CYB5R2: variants seen among roughly 807,000 people sequenced by gnomAD.
The protein encoded by CYB5R2 is NADH-cytochrome b5 reductase 2.
A neutral mutation model predicts 29.8 loss-of-function variants in CYB5R2; 35 were observed. The ratio of observed to expected loss-of-function variants is 1.17; its 90% CI spans 0.90 to 1.56. CYB5R2 has a LOEUF of 1.56. Ranked by LOEUF, CYB5R2 falls within the 40% of genes most tolerant of loss-of-function variation. CYB5R2 has a pLI of 0.00. For synonymous variants in CYB5R2, 169 were observed against 130.6 expected (o/e 1.29, Z -2.01); for missense variants, 419 against 346.7 (o/e 1.21, Z -1.66).
chr11:7,673,792 C>T (rs909621220), upstream of CYB5R2: 16 of 987,840 alleles, frequency 1.6e-5, no homozygotes, highest in Non-Finnish European at 1.8e-5. Context: ...CCCGCAGACT[C>T]GTGGCGTCGC....
chr11:7,673,148 G>A (rs954525548), intron 1 of CYB5R2: 1 of 413,834 alleles, frequency 2.4e-6, no homozygotes, highest in Non-Finnish European at 4.4e-6. Context: ...ACATGGCCTG[G>A]GGTGCTCAGG....
chr11:7,673,071 A>T, intron 1 of CYB5R2, 180 bp from the exon 2 acceptor site: 1 of 562,232 alleles, frequency 1.8e-6, no homozygotes, highest in Non-Finnish European at 3.1e-6. Context: ...CGTGGACCAG[A>T]GGGTAGGGAG....
At chr11:7,672,217 C>G in intron 3 of CYB5R2, 3 of 507,828 alleles carry the variant, frequency 5.9e-6, no homozygotes, top group Non-Finnish European at 1.0e-5. Context: ...AGGTTCAGTT[C>G]TTTTCAATGC....
At chr11:7,674,204 C>T (rs1236748541), upstream of CYB5R2, 2 of 1,269,572 alleles carry the variant, frequency 1.6e-6, no homozygotes, top group African/African-American at 1.5e-5. Context: ...AAAGAGCGCG[C>T]GAATATATTC....
Position 7,665,231 on chromosome 11 carries a change from A to G in CYB5R2, c.*143T>C. 1 of 701,902 alleles carries G rather than the reference A, an allele frequency of 1.4e-6. No individual in the cohort carries two copies. The highest frequency in any genetic ancestry group is 2.2e-6 in the Non-Finnish European group (1 of 447,372). The allele number at this position is 701,902 out of a possible 1,614,324, so 43.5% of individuals were successfully genotyped here. On this transcript the variant is annotated 3_prime_UTR_variant, in exon 9 of 9. Transcript: ENST00000299498. ...CCCTTGAGCCCTTTTTGTTAGGCCCACACCCAAAAGAGGAGAACCAGTGTG... is the reference window on the plus strand; with the variant it reads ...CCCTTGAGCCCTTTTTGTTAGGCCCGCACCCAAAAGAGGAGAACCAGTGTG...
In CYB5R2 at chr11:7,665,247, A is replaced by C; in HGVS notation, c.*127T>G. ...GTTAGGCCCACACCCAAAAGAGGAG[A>C]ACCAGTGTGTGCGCGAAGGTACATG... is the stretch of plus-strand genomic sequence containing the variant. On this transcript the variant is annotated 3_prime_UTR_variant, in exon 9 of 9. Transcript: ENST00000299498. The C allele has an allele frequency of 1.2e-6, 1 of 800,596 alleles. No individual in the cohort carries two copies. The highest frequency in any genetic ancestry group is 2.9e-5 in the East Asian group (1 of 34,126). 49.6% of individuals were successfully genotyped at this position (800,596 alleles called of 1,614,324 possible). A position where few individuals can be genotyped will look rare whatever the true frequency, so the allele number is the denominator to read the frequency against.
At chr11:7,666,025 CTG>C in intron 8 of CYB5R2, 1 of 970,342 alleles carries the variant, frequency 1.0e-6, no homozygotes. Context: ...GGGATGCTGT[CTG>C]GGCTGCAGCA....
At position 7,669,738 on chromosome 11, in the gene CYB5R2, A is replaced by G; in HGVS notation, c.152-7T>C. The G allele has an allele frequency of 6.3e-7, 1 of 1,598,968 alleles. No individual in the cohort carries two copies. Among genetic ancestry groups the G allele is most frequent in the South Asian group, 1.1e-5 (1 of 90,756 alleles). On this transcript the variant is annotated splice_region_variant and splice_polypyrimidine_tract_variant and intron_variant, in intron 3 of 8. Transcript: ENST00000299498. ...AAGAGCTGGACATAGTTACCTATAGAAAAGGCATCAAGCACTGAGTCAAAG... is the reference window on the plus strand; with the variant it reads ...AAGAGCTGGACATAGTTACCTATAGGAAAGGCATCAAGCACTGAGTCAAAG...
Position 7,665,740 on chromosome 11 carries a change from C to T in CYB5R2, c.659-194G>A, listed in dbSNP as rs1303830195. 2.4e-6 allele frequency: 3 copies of T among 1,272,666 alleles called. No individual in the cohort carries two copies. The African/African-American group carries it at 4.5e-5, about 19-fold the overall frequency. 78.8% of individuals were successfully genotyped at this position (1,272,666 alleles called of 1,614,324 possible). A position where few individuals can be genotyped will look rare whatever the true frequency, so the allele number is the denominator to read the frequency against. On this transcript the variant is annotated intron_variant, in intron 8 of 8. Transcript: ENST00000299498. The stretch of plus-strand genomic sequence containing the variant: ...GCCCTCTGCAGCAATCACCCCAGGT[C>T]CCAGGCTCACTGCAGGGACCCTGAA...
Position 7,672,911 on chromosome 11 carries a change from CAG to C in CYB5R2, c.-66-22_-66-21del. 1 of 1,600,934 alleles carries C rather than the reference CAG, an allele frequency of 6.2e-7. No individual in the cohort carries two copies. Among genetic ancestry groups the C allele is most frequent in the Non-Finnish European group, 8.5e-7 (1 of 1,173,506 alleles). On this transcript the variant is annotated intron_variant, in intron 1 of 8. Transcript: ENST00000299498. The stretch of plus-strand genomic sequence containing the variant: ...CGGGTCCTGGCAGACACAATGTGAA[CAG>C]AGCACCTCAGGTCTTGCCCGCCCTG...
At chr11:7,673,253 C>T (rs757763171) in intron 1 of CYB5R2, 166 bp downstream of exon 1, 1 of 565,676 alleles carries the variant, frequency 1.8e-6, no homozygotes, top group South Asian at 3.8e-5. Context: ...ACACACAATC[C>T]GGAATGAGGG....
intron 6 of CYB5R2, among the ~76,000 whole-genome samples, chr11:7,668,138 A>G (rs1855452967): frequency 6.6e-6 from 1 of 152,236 alleles, no homozygotes; most frequent in African/African-American, 2.4e-5. Context: ...TGTCTCCTTC[A>G]AAGACTGCTC....
Position 7,669,343 on chromosome 11 carries a change from C to G in CYB5R2, c.259-9G>C. ...ACATTTTTGAAGTAGATCTGAAAAG[C>G]AAGGCAGCACTGCTTTCACATTCCC... On this transcript the variant is annotated splice_polypyrimidine_tract_variant and intron_variant, in intron 4 of 8. Transcript: ENST00000299498. 1 of 1,603,986 alleles carries G rather than the reference C, an allele frequency of 6.2e-7. No individual in the cohort carries two copies. The highest frequency in any genetic ancestry group is 8.5e-7 in the Non-Finnish European group (1 of 1,174,680).
In CYB5R2 at chr11:7,665,468, A is replaced by C. The variant is rs1444950159; in HGVS notation, c.737T>G (p.Ile246Ser). 4.3e-6 allele frequency: 7 copies of C among 1,613,836 alleles called. No individual in the cohort carries two copies. Among genetic ancestry groups the C allele is most frequent in the Non-Finnish European group, 5.9e-6 (7 of 1,179,946 alleles). Residue 246 changes from isoleucine to serine, a missense_variant, in exon 9 of 9, where the codon ATC (isoleucine) becomes AGC (serine). Physicochemically the swap from Ile to Ser is moderately radical, Grantham distance 142 (BLOSUM62 -2). Coordinates refer to ENST00000299498, the MANE Select transcript of CYB5R2 (RefSeq NM_016229.5). ...TAGTGGTGGCGGGCCACACACCAGGATGAGCGTGGACTTCGCTGGAGGAGG... is the reference window on the plus strand; with the variant it reads ...TAGTGGTGGCGGGCCACACACCAGGCTGAGCGTGGACTTCGCTGGAGGAGG... ...HLPPPAKSTL[I>S]LVCGPPPLIQ...
intron 6 of CYB5R2, 109 bp downstream of exon 6, chr11:7,668,369 C>T (rs1362178462): frequency 8.0e-6 from 7 of 873,038 alleles, no homozygotes; most frequent in African/African-American, 1.7e-5. Flanking sequence ...CCACCTTCTA[C>T]AGCTGGAGGC....
chr11:7,672,336 G>A, intron 3 of CYB5R2, 115 bp downstream of exon 3: 2 of 817,478 alleles, frequency 2.4e-6, no homozygotes, highest in South Asian at 1.7e-5. Flanking sequence ...AGGCTCAGGA[G>A]GAGCAAGAGG....
intron 3 of CYB5R2, 142 bp from the exon 4 acceptor site, chr11:7,669,873 A>T (rs7942361): frequency 9.0e-6 from 6 of 667,174 alleles, no homozygotes; most frequent in African/African-American, 7.2e-5. Flanking sequence ...CAGGGAAGGA[A>T]CCCAAATATG....
chr11:7,666,562 G>C lies in CYB5R2; in HGVS notation c.559-12C>G. On this transcript the variant is annotated splice_polypyrimidine_tract_variant and intron_variant, in intron 7 of 8. Coordinates refer to ENST00000299498, the MANE Select transcript of CYB5R2 (RefSeq NM_016229.5). ...ATATCCTCCTCTGTCTAGAAAAGAA[G>C]CAACACTGAAAAAGCCCCTCCAGGG... The C allele has an allele frequency of 6.2e-7, 1 of 1,603,676 alleles. No individual in the cohort carries two copies.
At chr11:7,674,024 T>C (rs4536203), upstream of CYB5R2, 75,204 of 1,170,050 alleles carry the variant, frequency 0.064, 4,737 homozygotes, top group African/African-American at 0.32. Flanking sequence ...CGCTGAGCCG[T>C]GGCGTCCTCG....
Sources: gnomAD v4.1 joint callset for allele counts (sites outside exome capture counted in the v4.1 genomes callset) on GRCh38, gnomAD v4.1.1 for gene constraint, MANE v1.5 for transcripts, NCBI Gene and HGNC (gene_info 2026-07-23, HGNC 2026-07-21) for gene names.